The following TP73 variants were observed in gnomAD, a reference collection of about 807,000 sequenced individuals.
TP73 encodes p53-like transcription factor.
In TP73, 25 loss-of-function variants were observed where a neutral mutation model predicts 62.5. The observed-to-expected ratio is 0.40, with a 90% CI of 0.29 to 0.56. TP73 has a LOEUF of 0.56. TP73 is among the 20% of genes least tolerant of loss of function. The probability of loss-of-function intolerance (pLI) is 0.46; values close to 1 mark genes in which losing one functional copy is unlikely to be tolerated. For missense variants in TP73, 754 were observed against 913.3 expected, an observed-to-expected ratio of 0.83 and a Z score of 2.25; for synonymous variants, 423 against 377.5, an observed-to-expected ratio of 1.12 and a Z score of -1.40.
chr1:3,711,846 A>ATGTGTG (rs3841787), intron 4 of TP73, among the ~76,000 whole-genome samples: 41 of 150,218 alleles, frequency 2.7e-4, no homozygotes, highest in East Asian at 1.2e-3. Flanking sequence ...GAGCGTGTGT[A>ATGTGTG]TGTGTGTGTG....
chr1:3,697,364 C>T lies in TP73; in HGVS notation c.187-10185C>T, dbSNP rs190525557. ...CTCCGTCTCTCCCTGCACAGGCCCT[C>T]GGCCCTTCCTCTGGCTGCAGGCTCT... On this transcript the variant is annotated intron_variant, in intron 3 of 13. Transcript: ENST00000378295. Among the ~76,000 whole-genome samples, 590 of 152,350 alleles carry T rather than the reference C, an allele frequency of 3.9e-3. 3 individuals carry two copies. Among genetic ancestry groups the T allele is most frequent in the African/African-American group, 0.014 (568 of 41,590 alleles).
chr1:3,672,427 G>C lies in TP73; in HGVS notation c.-33-9906G>C, dbSNP rs576841023. Reference sequence around the variant, plus strand: ...AGGATCGGAGGGGGCAGAGGACAGGGATGTGTCTGTGCAGAACGAGGCTGT... The same window carrying C: ...AGGATCGGAGGGGGCAGAGGACAGGCATGTGTCTGTGCAGAACGAGGCTGT... On this transcript the variant is annotated intron_variant, in intron 1 of 13. Transcript: ENST00000378295. The surrounding 1 kb of genome is among the most constrained non-coding windows in gnomAD (Gnocchi z 5.3). Among the ~76,000 whole-genome samples, 4 of 152,238 alleles carry C rather than the reference G, an allele frequency of 2.6e-5. No homozygotes were observed. The East Asian group carries it at 5.8e-4, about 22-fold the overall frequency.
intron 3 of TP73, 127 bp from the exon 4 acceptor site, chr1:3,707,422 C>T (rs926162403): frequency 1.5e-5 from 20 of 1,348,556 alleles, no homozygotes; most frequent in Middle Eastern, 3.8e-4. Flanking sequence ...GGGAGAGACC[C>T]GGGGAAATAT....
At chr1:3,710,265 T>G (rs953469298) in intron 4 of TP73, among the ~76,000 whole-genome samples, 1 of 151,682 alleles carries the variant, frequency 6.6e-6, no homozygotes, top group African/African-American at 2.4e-5. Context: ...GGGCTCCTCC[T>G]CCGAAGCCCT....
chr1:3,706,244 C>T (rs1639615980), intron 3 of TP73, among the ~76,000 whole-genome samples: 1 of 152,180 alleles, frequency 6.6e-6, no homozygotes, highest in Non-Finnish European at 1.5e-5. Flanking sequence ...GCCGCTAGAT[C>T]ACTGGGGTCA....
intron 4 of TP73, chr1:3,712,362 G>T (rs1267330310): frequency 6.6e-6 from 1 of 152,178 alleles, no homozygotes; most frequent in Non-Finnish European, 1.5e-5. Context: ...TCAGCGCCTC[G>T]GGGCTCGTGG....
At chr1:3,679,098 T>C (rs1645445210) in intron 1 of TP73, among the ~76,000 whole-genome samples, 2 of 152,066 alleles carry the variant, frequency 1.3e-5, no homozygotes, top group African/African-American at 4.8e-5. Flanking sequence ...CAGTGCACAG[T>C]GGGTGCCGGT....
chr1:3,691,467 G>A (rs1319618678), intron 3 of TP73, among the ~76,000 whole-genome samples: 4 of 152,320 alleles, frequency 2.6e-5, no homozygotes, highest in Non-Finnish European at 5.9e-5. Context: ...TCTTCTCGGT[G>A]TGGGTCTGAG....
At chr1:3,698,009 G>GTTCTCGGCTCAGCCAACCA in intron 3 of TP73, 1 of 917,070 alleles carries the variant, frequency 1.1e-6, no homozygotes, top group Middle Eastern at 5.6e-4. Context: ...CATAATTCAA[G>GTTCTCGGCTCAGCCAACCA]TTCTCGGCTC....
Position 3,662,160 on chromosome 1 carries a change from A to C in TP73, c.-34+9519A>C, listed in dbSNP as rs1211244210. On this transcript the variant is annotated intron_variant, in intron 1 of 13. Coordinates refer to ENST00000378295, the MANE Select transcript of TP73 (RefSeq NM_005427.4). This position sits in a 1 kb window ranked among gnomAD's most constrained non-coding sequence, Gnocchi z 4.4. ...AAGGTGGAGACCAGGCACCTGCTGGAGCAGGAACTCTTCCTTCACCGGCTT... is the reference window on the plus strand; with the variant it reads ...AAGGTGGAGACCAGGCACCTGCTGGCGCAGGAACTCTTCCTTCACCGGCTT... 5 of 152,108 alleles carry C rather than the reference A, an allele frequency of 3.3e-5. No homozygotes were observed. The allele number at this position is 152,108 out of a possible 1,614,324, so 9.4% of individuals were successfully genotyped here.
chr1:3,695,855 G>A (rs3765734), intron 3 of TP73, among the ~76,000 whole-genome samples: 2,893 of 152,360 alleles, frequency 0.019, 57 homozygotes, highest in African/African-American at 0.059. Flanking sequence ...CAGGGAATGG[G>A]GCAGCCCCGC....
At chr1:3,660,714 A>G (rs538482093) in intron 1 of TP73, among the ~76,000 whole-genome samples, 1 of 152,366 alleles carries the variant, frequency 6.6e-6, no homozygotes, top group Admixed American at 6.5e-5. Context: ...TGTACTGGTC[A>G]AAGTCTTCCC....
chr1:3,725,149 A>G (rs1641399241), intron 6 of TP73, among the ~76,000 whole-genome samples: 1 of 152,196 alleles, frequency 6.6e-6, no homozygotes, highest in Non-Finnish European at 1.5e-5. Flanking sequence ...AGCCCGCAGC[A>G]TGCAACACAC....
At chr1:3,731,360 A>C (rs377596309) in intron 12 of TP73, 103 bp from the exon 13 acceptor site, 47 of 1,202,342 alleles carry the variant, frequency 3.9e-5, no homozygotes, top group East Asian at 2.1e-4. Context: ...CTTCGGAGAC[A>C]GCGGCAGTCT....
rs1254474118 is a variant in TP73, at chr1:3,682,488, C to T, written c.65+58C>T. On this transcript the variant is annotated intron_variant, in intron 2 of 13. Transcript: ENST00000378295. ...CCCCCTGGGAGGCACTCTGGGCTAG[C>T]CTCAGCCACCTTCGCTGGGCTAACT... The T allele has an allele frequency of 1.0e-5, 14 of 1,389,690 alleles. No individual in the cohort carries two copies. In the East Asian group the frequency reaches 4.0e-4, roughly 40 times the overall value. 86.1% of individuals were successfully genotyped at this position (1,389,690 alleles called of 1,614,324 possible).
intron 3 of TP73, among the ~76,000 whole-genome samples, chr1:3,687,218 C>T (rs1213347993): frequency 6.6e-6 from 1 of 152,294 alleles, no homozygotes; most frequent in East Asian, 1.9e-4. Context: ...CCCGGGCCTC[C>T]CCATGGGCTG....
intron 3 of TP73, among the ~76,000 whole-genome samples, chr1:3,700,425 A>C (rs1261654107): frequency 6.6e-6 from 1 of 152,034 alleles, no homozygotes; most frequent in African/African-American, 2.4e-5. Flanking sequence ...GATAAAAGGC[A>C]CTGTGGATAC....
In TP73 at chr1:3,665,998, A is replaced by G. The variant is rs61762232; in HGVS notation, c.-34+13357A>G. 5.2e-3 allele frequency among the ~76,000 whole-genome samples: 782 copies of G among 151,350 alleles called. 4 individuals carry two copies. The highest frequency in any genetic ancestry group is 9.5e-3 in the Non-Finnish European group (647 of 67,758). ...AAAAATACAAAAATTAGCTGGGTAT[A>G]GTAATTCCAGCTACTTGGGAGGCTG... On this transcript the variant is annotated intron_variant, in intron 1 of 13. Transcript: ENST00000378295.
chr1:3,708,269 G>T, intron 4 of TP73: 1 of 185,778 alleles, frequency 5.4e-6, no homozygotes, highest in Non-Finnish European at 1.1e-5. Flanking sequence ...TGTCTCTGGA[G>T]TGTCATTTCC....
Sources: gnomAD v4.1 joint callset for allele counts (sites outside exome capture counted in the v4.1 genomes callset) on GRCh38, gnomAD v4.1.1 for gene constraint, Gnocchi (gnomAD v3.1) non-coding constraint, MANE v1.5 for transcripts, NCBI Gene and HGNC (gene_info 2026-07-23, HGNC 2026-07-21) for gene names.